The following VPS13D variants were observed in gnomAD, a reference collection of about 807,000 sequenced individuals.
The protein encoded by VPS13D is vacuolar protein sorting 13 homolog D, also known as intermembrane lipid transfer protein VPS13D.
VPS13D carries 187 observed loss-of-function variants against 461.9 expected under a neutral mutation model. That is an observed-to-expected ratio of 0.40 (90% CI 0.36 to 0.46). The LOEUF (loss-of-function observed/expected upper bound fraction) is 0.46. Ranked by LOEUF, VPS13D falls within the 20% of genes least tolerant of loss-of-function variation. VPS13D has a pLI of 0.60. For missense variants in VPS13D, 4,711 were observed against 5,364.9 expected, an observed-to-expected ratio of 0.88 and a Z score of 3.81; for synonymous variants, 1,951 against 1,986.3, an observed-to-expected ratio of 0.98 and a Z score of 0.47.
At chr1:12,351,316 G>A (rs1206864980) in intron 46 of VPS13D, among the ~76,000 whole-genome samples, 1 of 152,148 alleles carries the variant, frequency 6.6e-6, no homozygotes, top group Non-Finnish European at 1.5e-5. Flanking sequence ...TTGAGGTGGA[G>A]TTTTGCTCTT....
At chr1:12,479,968 G>T (rs970495955) in intron 67 of VPS13D, among the ~76,000 whole-genome samples, 9 of 152,148 alleles carry the variant, frequency 5.9e-5, no homozygotes, top group Non-Finnish European at 8.8e-5. Flanking sequence ...GGGAAGCTTG[G>T]AAGGGCTCAT....
intron 5 of VPS13D, among the ~76,000 whole-genome samples, chr1:12,246,761 A>G (rs1378673585): frequency 2.0e-5 from 3 of 152,234 alleles, no homozygotes; most frequent in Admixed American, 1.3e-4. Flanking sequence ...CCCCAGGGAC[A>G]TGGCCTCGGG....
intron 61 of VPS13D, among the ~76,000 whole-genome samples, 156 bp from the exon 62 acceptor site, chr1:12,401,449 TAAC>T (rs1282637581): frequency 1.1e-4 from 17 of 152,182 alleles, no homozygotes; most frequent in African/African-American, 4.1e-4. Context: ...TAGTTAATCA[TAAC>T]AATATAGAGA....
intron 65 of VPS13D, among the ~76,000 whole-genome samples, chr1:12,427,470 C>T (rs950296328): frequency 6.6e-6 from 1 of 151,758 alleles, no homozygotes; most frequent in Non-Finnish European, 1.5e-5. Flanking sequence ...ATTTAACCAA[C>T]CACAGATCAA....
At chr1:12,361,797 C>T (rs1488580548) in intron 50 of VPS13D, among the ~76,000 whole-genome samples, 2 of 152,062 alleles carry the variant, frequency 1.3e-5, no homozygotes, top group Non-Finnish European at 2.9e-5. Flanking sequence ...GGACTGTTTT[C>T]TTATTTTTTC....
At chr1:12,499,328 C>T (rs150690131) in intron 68 of VPS13D, 150 of 373,038 alleles carry the variant, frequency 4.0e-4, no homozygotes, top group African/African-American at 3.1e-3. Flanking sequence ...CATTTGTGTT[C>T]ACATGCGTCC....
chr1:12,342,031 G>A (rs1483957551), intron 41 of VPS13D, 146 bp downstream of exon 41: 2 of 676,990 alleles, frequency 3.0e-6, no homozygotes, highest in East Asian at 2.8e-5. Flanking sequence ...GATTTATGAT[G>A]GAGGTTCTGG....
Position 12,378,586 on chromosome 1 carries a change from C to T in VPS13D, c.11076C>T (p.Asp3692=). ...LDIAGLAAVT[D]NRYEPLMLRK... is the part of the protein sequence containing the mutation. ...TTGCTGGTCTCGCTGCAGTGACTGA[C>T]AACAGGTAATTTTCTAGGCAACTTT... is the stretch of plus-strand genomic sequence containing the variant. The change falls in exon 56 of 70, where the codon GAC becomes GAT. Residue 3692 remains aspartate (D), a synonymous_variant. Coordinates refer to ENST00000620676, the MANE Select transcript of VPS13D (RefSeq NM_015378.4). 1.3e-6 allele frequency: 2 copies of T among 1,557,938 alleles called. No homozygotes were observed. The highest frequency in any genetic ancestry group is 1.7e-6 in the Non-Finnish European group (2 of 1,151,632).
At chr1:12,316,495 T>C (rs1642890162) in intron 30 of VPS13D, among the ~76,000 whole-genome samples, 1 of 152,160 alleles carries the variant, frequency 6.6e-6, no homozygotes, top group South Asian at 2.1e-4. Context: ...ACTCTGACAA[T>C]CTATGTTCAA....
intron 66 of VPS13D, among the ~76,000 whole-genome samples, chr1:12,456,693 G>A (rs1007819141): frequency 1.3e-5 from 2 of 151,134 alleles, no homozygotes; most frequent in Non-Finnish European, 2.9e-5. Flanking sequence ...ATCCTGTGTT[G>A]GCGTACCTGA....
chr1:12,350,028 T>G (rs545789884), intron 46 of VPS13D, among the ~76,000 whole-genome samples: 1 of 152,362 alleles, frequency 6.6e-6, no homozygotes, highest in South Asian at 2.1e-4. Flanking sequence ...GTAAAGAATT[T>G]CATTATACTC....
chr1:12,384,720 G>A (rs1375899196), intron 58 of VPS13D, among the ~76,000 whole-genome samples: 3 of 152,048 alleles, frequency 2.0e-5, no homozygotes, highest in Non-Finnish European at 4.4e-5. Context: ...CCTGGGCTCA[G>A]GTGATCCTCC....
intron 60 of VPS13D, among the ~76,000 whole-genome samples, chr1:12,397,701 A>G (rs1010051167): frequency 1.3e-5 from 2 of 152,210 alleles, no homozygotes; most frequent in African/African-American, 4.8e-5. Context: ...GAATAATGAC[A>G]TTCTGTGATA....
In VPS13D at chr1:12,349,379, G is replaced by A; in HGVS notation, c.9431+5G>A. ...AGAAAAAAGCCGATTTTTCAGGTAT[G>A]TAGCACCACTGCAGTGACATGTCAC... On this transcript the variant is annotated splice_donor_5th_base_variant and intron_variant, in intron 46 of 69. Transcript: ENST00000620676. 1 of 1,613,636 alleles carries A rather than the reference G, an allele frequency of 6.2e-7. No individual in the cohort carries two copies. Among genetic ancestry groups the A allele is most frequent in the Non-Finnish European group, 8.5e-7 (1 of 1,179,896 alleles).
In VPS13D at chr1:12,386,344, A is replaced by C; in HGVS notation, c.11634+10A>C. On this transcript the variant is annotated intron_variant, in intron 60 of 69. Transcript: ENST00000620676. ...CATACAGGATGTACAGGTAAGGGGG[A>C]AGTTCCAAAGCTGTTAGTCACCTTG... 6.3e-7 allele frequency: 1 copy of C among 1,587,878 alleles called. No homozygotes were observed. Among genetic ancestry groups the C allele is most frequent in the Non-Finnish European group, 8.6e-7 (1 of 1,168,792 alleles).
Position 12,358,465 on chromosome 1 carries a change from G to A in VPS13D, c.10005G>A (p.Thr3335=), listed in dbSNP as rs147297376. Residue 3335 remains threonine, a synonymous_variant, in exon 50 of 70, where the codon ACG becomes ACA. Transcript: ENST00000620676. The stretch of plus-strand genomic sequence containing the variant: ...TTGCTTTTCTGCCCCACAGCTGCAC[G>A]ATGAGAATCGGAAGGGGGATTCATC... ...YADKEQPNLC[T]MRIGRGIHPE... is the part of the protein sequence containing the mutation. 2.8e-4 allele frequency: 456 copies of A among 1,614,086 alleles called. 1 individual carries two copies. In the African/African-American group the frequency reaches 5.4e-3, roughly 19 times the overall value.
intron 22 of VPS13D, among the ~76,000 whole-genome samples, chr1:12,288,675 A>C (rs1168022171): frequency 6.6e-6 from 1 of 151,392 alleles, no homozygotes. Flanking sequence ...GATATTTTTG[A>C]GAGTTAAAGG....
intron 63 of VPS13D, among the ~76,000 whole-genome samples, chr1:12,414,573 G>A (rs1011377940): frequency 2.0e-5 from 3 of 152,188 alleles, no homozygotes; most frequent in African/African-American, 7.2e-5. Context: ...CTTACCTGTA[G>A]TGATAGATGT....
chr1:12,288,445 C>A, intron 22 of VPS13D, 132 bp downstream of exon 22: 1 of 759,038 alleles, frequency 1.3e-6, no homozygotes. Flanking sequence ...ATTAGTCTGG[C>A]CAGGATTCAT....
Sources: allele counts gnomAD v4.1 joint callset (sites outside exome capture counted in the v4.1 genomes callset), GRCh38; gene constraint gnomAD v4.1.1; transcripts MANE v1.5; gene names NCBI Gene and HGNC (gene_info 2026-07-23, HGNC 2026-07-21).